Variants in CHCHD3 observed in about 807,000 individuals in gnomAD.
CHCHD3 encodes the protein coiled-coil-helix-coiled-coil-helix domain containing 3.
CHCHD3 carries 20 observed loss-of-function variants against 38.2 expected under a neutral mutation model. The observed-to-expected ratio is 0.52, with a 90% CI of 0.37 to 0.76. The LOEUF (loss-of-function observed/expected upper bound fraction) is 0.76, where lower values mean the gene tolerates loss of function less well. Ranked by LOEUF, CHCHD3 falls within the 30% of genes least tolerant of loss-of-function variation. CHCHD3 has a pLI of 0.00. For synonymous variants in CHCHD3, 82 were observed against 100.0 expected, an observed-to-expected ratio of 0.82 and a Z score of 1.07; for missense variants, 245 against 279.2, an observed-to-expected ratio of 0.88 and a Z score of 0.87.
chr7:132,970,833 G>A (rs1585686194), intron 4 of CHCHD3, among the ~76,000 whole-genome samples: 1 of 152,136 alleles, frequency 6.6e-6, no homozygotes, highest in South Asian at 2.1e-4. Flanking sequence ...ATATGTGGCT[G>A]GGCATGGTGG....
At chr7:132,964,651 C>T (rs1811411885) in intron 4 of CHCHD3, among the ~76,000 whole-genome samples, 1 of 152,170 alleles carries the variant, frequency 6.6e-6, no homozygotes, top group Non-Finnish European at 1.5e-5. Context: ...TGGATAATTG[C>T]TACAAACCAG....
At chr7:132,894,834 T>C (rs866318119) in intron 4 of CHCHD3, among the ~76,000 whole-genome samples, 1 of 152,248 alleles carries the variant, frequency 6.6e-6, no homozygotes, top group Non-Finnish European at 1.5e-5. Flanking sequence ...CATTATTATG[T>C]ATGTACATTA....
intron 4 of CHCHD3, among the ~76,000 whole-genome samples, chr7:132,889,967 T>A (rs1274008936): frequency 6.6e-6 from 1 of 152,204 alleles, no homozygotes; most frequent in Non-Finnish European, 1.5e-5. Flanking sequence ...TAGAACCATA[T>A]CTTGGGAAAA....
At position 132,970,727 on chromosome 7, in the gene CHCHD3, TTAAG is replaced by T. The variant is rs1399816566; in HGVS notation, c.369+4438_369+4441del. Among the ~76,000 whole-genome samples the T allele has an allele frequency of 7.2e-5, 11 of 152,182 alleles. No homozygotes were observed. In the East Asian group the frequency reaches 9.7e-4, roughly 13 times the overall value. ...GAAGAATTTTGAAGTAAATATTGCC[TTAAG>T]TAAGTAAATTGAGACTTCTTTTTAA... On this transcript the variant is annotated intron_variant, in intron 4 of 7. Coordinates refer to ENST00000262570, the MANE Select transcript of CHCHD3 (RefSeq NM_017812.4).
chr7:132,868,858 CCCCAGGGCT>C (rs898554272), intron 5 of CHCHD3, among the ~76,000 whole-genome samples: 8 of 152,228 alleles, frequency 5.3e-5, no homozygotes, highest in African/African-American at 1.7e-4. Context: ...GTGCGACTTT[CCCCAGGGCT>C]CCTTGCTCTT....
chr7:132,810,053 G>A (rs1381771803), intron 6 of CHCHD3, among the ~76,000 whole-genome samples: 3 of 152,124 alleles, frequency 2.0e-5, no homozygotes, highest in Admixed American at 1.3e-4. Flanking sequence ...TATGTTTAAG[G>A]TAACTGGTAA....
At chr7:132,946,839 A>ATTAATTT (rs1488635724) in intron 4 of CHCHD3, among the ~76,000 whole-genome samples, 2 of 151,904 alleles carry the variant, frequency 1.3e-5, no homozygotes, top group African/African-American at 4.8e-5. Flanking sequence ...TTTTAATCAG[A>ATTAATTT]AGAAATATCT....
intron 4 of CHCHD3, among the ~76,000 whole-genome samples, chr7:132,948,700 C>G (rs923149328): frequency 1.3e-5 from 2 of 152,112 alleles, no homozygotes; most frequent in Admixed American, 1.3e-4. Context: ...TCCACCATTA[C>G]ACACTGACAA....
chr7:132,983,871 C>G (rs1437084986), intron 3 of CHCHD3, among the ~76,000 whole-genome samples: 1 of 152,198 alleles, frequency 6.6e-6, no homozygotes, highest in Non-Finnish European at 1.5e-5. Flanking sequence ...TTCACGAAGC[C>G]TTCAATGCAG....
intron 4 of CHCHD3, among the ~76,000 whole-genome samples, chr7:132,961,266 A>G (rs1811311584): frequency 6.6e-6 from 1 of 152,200 alleles, no homozygotes; most frequent in South Asian, 2.1e-4. Flanking sequence ...TGGGTAACAG[A>G]GAAAGACCCT....
At chr7:133,017,618 A>C (rs1813065136) in intron 3 of CHCHD3, among the ~76,000 whole-genome samples, 1 of 152,214 alleles carries the variant, frequency 6.6e-6, no homozygotes, top group South Asian at 2.1e-4. Flanking sequence ...GTGAACAAGA[A>C]GTGGTCAAAC....
intron 4 of CHCHD3, among the ~76,000 whole-genome samples, chr7:132,918,717 C>T (rs1049229984): frequency 6.6e-6 from 1 of 152,166 alleles, no homozygotes; most frequent in Non-Finnish European, 1.5e-5. Flanking sequence ...CTTGCCTATA[C>T]CTAATTCAAG....
intron 6 of CHCHD3, among the ~76,000 whole-genome samples, chr7:132,814,675 A>G (rs925486242): frequency 7.2e-5 from 11 of 152,264 alleles, no homozygotes; most frequent in African/African-American, 2.7e-4. Flanking sequence ...ATAAAATCAC[A>G]GTATGTGTGG....
At chr7:133,046,739 T>G (rs1047908008) in intron 2 of CHCHD3, among the ~76,000 whole-genome samples, 2 of 151,998 alleles carry the variant, frequency 1.3e-5, no homozygotes, top group Non-Finnish European at 1.5e-5. Flanking sequence ...ATTTTTTGTG[T>G]TTTTTAGTAG....
At chr7:132,861,260 C>T (rs1808482094) in intron 5 of CHCHD3, among the ~76,000 whole-genome samples, 1 of 152,154 alleles carries the variant, frequency 6.6e-6, no homozygotes, top group African/African-American at 2.4e-5. Flanking sequence ...GTGGCTGGAG[C>T]ACTCAGGACC....
intron 3 of CHCHD3, among the ~76,000 whole-genome samples, chr7:132,999,069 C>T (rs796120766): frequency 6.6e-6 from 1 of 152,042 alleles, no homozygotes; most frequent in East Asian, 1.9e-4. Flanking sequence ...CGCAGTGCAC[C>T]ATGATCACCA....
At chr7:133,062,590 G>A (rs1814547717) in intron 2 of CHCHD3, among the ~76,000 whole-genome samples, 1 of 152,142 alleles carries the variant, frequency 6.6e-6, no homozygotes, top group Admixed American at 6.5e-5. Context: ...TTTAAAGTTA[G>A]TGTCCAGAAT....
intron 6 of CHCHD3, among the ~76,000 whole-genome samples, chr7:132,824,004 G>A (rs1453376392): frequency 6.6e-6 from 1 of 152,046 alleles, no homozygotes; most frequent in African/African-American, 2.4e-5. Flanking sequence ...TTTTTAATCA[G>A]AACTAATCTT....
chr7:132,977,821 A>C (rs2117338011), intron 3 of CHCHD3, among the ~76,000 whole-genome samples: 1 of 152,200 alleles, frequency 6.6e-6, no homozygotes, highest in South Asian at 2.1e-4. Context: ...TTAGATTTTA[A>C]TTACATATGG....
Sources: gnomAD v4.1 joint callset for allele counts (sites outside exome capture counted in the v4.1 genomes callset) on GRCh38, gnomAD v4.1.1 for gene constraint, MANE v1.5 for transcripts, NCBI Gene and HGNC (gene_info 2026-07-23, HGNC 2026-07-21) for gene names.